The following USP32 variants were observed in gnomAD, a reference collection of about 807,000 sequenced individuals.
The protein encoded by USP32 is ubiquitin carboxyl-terminal hydrolase 32.
In USP32, 59 loss-of-function variants were observed where a neutral mutation model predicts 204.8. The observed-to-expected ratio is 0.29, with a 90% confidence interval of 0.23 to 0.36. USP32 has a LOEUF of 0.36. Among genes scored for constraint, USP32 ranks in the 10% least tolerant of loss-of-function variants. The pLI is 1.00. For missense variants in USP32, 1,160 were observed against 1,946.4 expected (o/e 0.60, Z 7.60); for synonymous variants, 517 against 678.4 (o/e 0.76, Z 3.70).
exon 1 of USP32, chr17:60,422,282 G>C (rs1338941104): frequency 2.3e-6 from 1 of 433,386 alleles, no homozygotes; most frequent in African/African-American, 2.1e-5. Flanking sequence ...CAGTATTCTT[G>C]GGAGAAGGGG....
intron 2 of USP32, among the ~76,000 whole-genome samples, chr17:60,326,724 A>C (rs1304398764): frequency 6.6e-6 from 1 of 152,206 alleles, no homozygotes; most frequent in African/African-American, 2.4e-5. Flanking sequence ...AGAATCACCA[A>C]AGGAAAATTC....
At chr17:60,314,285 G>T (rs1262735203) in intron 2 of USP32, among the ~76,000 whole-genome samples, 1 of 151,804 alleles carries the variant, frequency 6.6e-6, no homozygotes, top group South Asian at 2.1e-4. Flanking sequence ...GGGGCTACAG[G>T]TGTATACCAC....
At chr17:60,223,278 CAA>C (rs2085301220) in intron 14 of USP32, 131 bp downstream of exon 14, 1 of 716,108 alleles carries the variant, frequency 1.4e-6, no homozygotes, top group Non-Finnish European at 2.3e-6. Flanking sequence ...ATGTACTATA[CAA>C]AGAGATGTCC....
Position 60,271,447 on chromosome 17 carries a change from G to A in USP32, c.606C>T (p.Arg202=). ...EESDIIDLEK[R]YWLLKAQSRT... ...GGGATTGAGCCTTCAATAACCAATA[G>A]CGTTTCTCAAGATCAATGATGTCTG... is the stretch of plus-strand genomic sequence containing the variant. Residue 202 remains arginine, a synonymous_variant, in exon 6 of 34, where the codon CGC becomes CGT. Coordinates refer to ENST00000300896, the MANE Select transcript of USP32 (RefSeq NM_032582.4). 1 of 1,614,076 alleles carries A rather than the reference G, an allele frequency of 6.2e-7. No homozygotes were observed.
chr17:60,330,004 T>TA (rs2088342403), intron 2 of USP32, among the ~76,000 whole-genome samples: 1 of 152,198 alleles, frequency 6.6e-6, no homozygotes, highest in South Asian at 2.1e-4. Context: ...TTAAAATAAT[T>TA]AAATAATTTC....
intron 2 of USP32, among the ~76,000 whole-genome samples, chr17:60,332,650 A>G (rs1162306995): frequency 6.6e-6 from 1 of 152,034 alleles, no homozygotes; most frequent in Non-Finnish European, 1.5e-5. Flanking sequence ...CTCTGTCTTA[A>G]AAAAAAAGTT....
At chr17:60,392,940 G>T (rs1224154128), upstream of USP32, among the ~76,000 whole-genome samples, 2 of 152,098 alleles carry the variant, frequency 1.3e-5, no homozygotes, top group East Asian at 1.9e-4. Context: ...ACAAGGCTTA[G>T]CGTGGAGTCG....
chr17:60,189,054 G>C (rs1567752048), intron 29 of USP32, among the ~76,000 whole-genome samples: 1 of 152,254 alleles, frequency 6.6e-6, no homozygotes, highest in South Asian at 2.1e-4. Flanking sequence ...GAGATTTATA[G>C]AGCCAAATAA....
At chr17:60,396,137 G>A (rs1413461068), upstream of USP32, among the ~76,000 whole-genome samples, 2 of 131,656 alleles carry the variant, frequency 1.5e-5, no homozygotes, top group Non-Finnish European at 3.0e-5. Flanking sequence ...GAGTGCAGTA[G>A]CACAATCAGA....
rs182411056 is a variant in USP32 at position 60,284,622 on chromosome 17, T to C, written c.571+3901A>G. Among the ~76,000 whole-genome samples, 10 of 152,202 alleles carry C rather than the reference T, an allele frequency of 6.6e-5. No homozygotes were observed. The East Asian group carries it at 1.7e-3, about 26-fold the overall frequency. On this transcript the variant is annotated intron_variant, in intron 5 of 33. Transcript: ENST00000300896. The stretch of plus-strand genomic sequence containing the variant: ...ATAAAACGGAGCCATTTTTAACATA[T>C]TGAAAATTATTTGACTGATTAAATA...
intron 1 of USP32, among the ~76,000 whole-genome samples, chr17:60,365,484 AAAAT>A (rs568687114): frequency 6.6e-6 from 1 of 151,934 alleles, no homozygotes; most frequent in African/African-American, 2.4e-5. Context: ...TCCATCTCAA[AAAAT>A]AAATAAATAA....
chr17:60,421,208 T>C (rs1473366403), intron 1 of USP32: 6 of 268,750 alleles, frequency 2.2e-5, no homozygotes, highest in African/African-American at 6.9e-5. Context: ...ACCTTCCATC[T>C]TGGAGGCGGA....
At chr17:60,192,518 G>A (rs113975095) in intron 28 of USP32, among the ~76,000 whole-genome samples, 3,218 of 152,048 alleles carry the variant, frequency 0.021, 135 homozygotes, top group African/African-American at 0.073. Flanking sequence ...CACTGGAACC[G>A]CTGCCTCCTG....
At chr17:60,193,712 A>G (rs1219771447) in intron 27 of USP32, among the ~76,000 whole-genome samples, 1 of 152,214 alleles carries the variant, frequency 6.6e-6, no homozygotes, top group Non-Finnish European at 1.5e-5. Flanking sequence ...CTGGCAACTG[A>G]CAGTGGTTAT....
At position 60,237,778 on chromosome 17, in the gene USP32, T is replaced by C. The variant is rs955571506; in HGVS notation, c.1137-1538A>G. Among the ~76,000 whole-genome samples, 8 of 152,358 alleles carry C rather than the reference T, an allele frequency of 5.3e-5. No homozygotes were observed. In the East Asian group the frequency reaches 9.6e-4, roughly 18 times the overall value. On this transcript the variant is annotated intron_variant, in intron 11 of 33. Coordinates refer to ENST00000300896, the MANE Select transcript of USP32 (RefSeq NM_032582.4). ...ATCAGTACTTTATTCCTTTTTATGG[T>C]TGAATAATATTCCATGGTGTGTATA...
intron 13 of USP32, 44 bp downstream of exon 13, chr17:60,225,995 G>A (rs755325080): frequency 4.3e-5 from 65 of 1,519,278 alleles, no homozygotes; most frequent in Non-Finnish European, 5.5e-5. Flanking sequence ...GACCTATCCA[G>A]GGGGAATAAA....
chr17:60,187,267 C>A (rs2145387810), intron 29 of USP32, among the ~76,000 whole-genome samples: 1 of 152,304 alleles, frequency 6.6e-6, no homozygotes, highest in South Asian at 2.1e-4. Flanking sequence ...AATTAAGGTT[C>A]TAGCACTGCA....
intron 5 of USP32, among the ~76,000 whole-genome samples, chr17:60,281,310 G>T (rs957686543): frequency 6.6e-6 from 1 of 152,108 alleles, no homozygotes; most frequent in African/African-American, 2.4e-5. Flanking sequence ...AGGCCGAGGC[G>T]GATGGATCAT....
intron 1 of USP32, among the ~76,000 whole-genome samples, chr17:60,349,618 TATATATTATA>T (rs1251232103): frequency 1.0e-4 from 7 of 69,510 alleles, no homozygotes; most frequent in African/African-American, 6.9e-4. Context: ...TATATATATA[TATATATTATA>T]TATATATATA....
Sources: allele counts gnomAD v4.1 joint callset (sites outside exome capture counted in the v4.1 genomes callset), GRCh38; gene constraint gnomAD v4.1.1; transcripts MANE v1.5; gene names NCBI Gene and HGNC (gene_info 2026-07-23, HGNC 2026-07-21).